Variants in DPP6 observed in about 807,000 individuals in gnomAD.
DPP6 encodes A-type potassium channel modulatory protein DPP6.
DPP6 carries 69 observed loss-of-function variants against 122.6 expected under a neutral mutation model. That is an observed-to-expected ratio of 0.56 (90% CI 0.46 to 0.69). The LOEUF is 0.69. Ranked by LOEUF, DPP6 falls within the 30% of genes least tolerant of loss-of-function variation. DPP6 has a pLI of 0.00. For synonymous variants in DPP6, 418 were observed against 433.1 expected (o/e 0.97, Z 0.43); for missense variants, 928 against 1,116.9 (o/e 0.83, Z 2.41).
chr7:154,765,861 T>C (rs1346373455), intron 8 of DPP6, among the ~76,000 whole-genome samples: 7 of 152,364 alleles, frequency 4.6e-5, no homozygotes, highest in African/African-American at 1.7e-4. Flanking sequence ...ATGCAATTAA[T>C]TTCGTTGATG....
At chr7:154,834,684 C>T (rs1325410047) in intron 16 of DPP6, among the ~76,000 whole-genome samples, 1 of 152,218 alleles carries the variant, frequency 6.6e-6, no homozygotes, top group Non-Finnish European at 1.5e-5. Flanking sequence ...AAGTGCAAGA[C>T]CTTCACTAGA....
intron 1 of DPP6, among the ~76,000 whole-genome samples, chr7:154,035,945 C>A (rs1265200226): frequency 1.3e-5 from 2 of 151,944 alleles, no homozygotes; most frequent in Admixed American, 6.5e-5. Flanking sequence ...TGTGAACTCA[C>A]TGACTAAGCC....
intron 1 of DPP6, among the ~76,000 whole-genome samples, chr7:154,247,768 A>C (rs1241662610): frequency 6.6e-6 from 1 of 152,192 alleles, no homozygotes; most frequent in African/African-American, 2.4e-5. Flanking sequence ...ACCCAACAGC[A>C]ATGAAAACAT....
At chr7:153,984,657 A>G (rs1327169112) in intron 1 of DPP6, among the ~76,000 whole-genome samples, 1 of 152,164 alleles carries the variant, frequency 6.6e-6, no homozygotes, top group Non-Finnish European at 1.5e-5. Flanking sequence ...TCCAGACAGT[A>G]CAGTGTACTG....
intron 17 of DPP6, among the ~76,000 whole-genome samples, chr7:154,862,455 A>G (rs1803488361): frequency 6.6e-6 from 1 of 152,214 alleles, no homozygotes; most frequent in Non-Finnish European, 1.5e-5. Context: ...GGAACGTGTT[A>G]GACTTCAGTC....
At chr7:154,491,961 T>C (rs942544740) in intron 3 of DPP6, among the ~76,000 whole-genome samples, 3 of 152,154 alleles carry the variant, frequency 2.0e-5, no homozygotes, top group African/African-American at 7.2e-5. Context: ...GATCCCATAA[T>C]GTTACCAAAA....
intron 21 of DPP6, chr7:154,885,399 T>C (rs924516347): frequency 1.7e-5 from 9 of 532,618 alleles, no homozygotes; most frequent in Non-Finnish European, 3.0e-5. Context: ...TCACGTCCCT[T>C]GACACCAAGG....
chr7:153,902,529 C>G (rs1165361228), intron 1 of DPP6, among the ~76,000 whole-genome samples: 2 of 152,072 alleles, frequency 1.3e-5, no homozygotes, highest in Non-Finnish European at 2.9e-5. Flanking sequence ...GGATGCACTT[C>G]CAAGAGATGA....
In DPP6 at chr7:154,468,530, G is replaced by A. The variant is rs564934479; in HGVS notation, c.359-6409G>A. ...GGTAGGGAAACATATCAACCTATCCGCATATAATCATGTGAAGTCACAGGT... is the reference window on the plus strand; with the variant it reads ...GGTAGGGAAACATATCAACCTATCCACATATAATCATGTGAAGTCACAGGT... On this transcript the variant is annotated intron_variant, in intron 2 of 25. Coordinates refer to ENST00000377770, the MANE Select transcript of DPP6 (RefSeq NM_130797.4). Among the ~76,000 whole-genome samples, 14 of 152,262 alleles carry A rather than the reference G, an allele frequency of 9.2e-5. No homozygotes were observed. In the South Asian group the frequency reaches 1.5e-3, roughly 16 times the overall value.
At chr7:154,217,100 A>T (rs561229900) in intron 1 of DPP6, among the ~76,000 whole-genome samples, 1 of 151,492 alleles carries the variant, frequency 6.6e-6, no homozygotes, top group Non-Finnish European at 1.5e-5. Flanking sequence ...TTTTTTTTTT[A>T]AAGAACTCTC....
intron 1 of DPP6, among the ~76,000 whole-genome samples, chr7:154,005,258 C>A (rs1192308550): frequency 6.6e-6 from 1 of 152,188 alleles, no homozygotes; most frequent in Non-Finnish European, 1.5e-5. Flanking sequence ...TATGGAATAG[C>A]CTGGAATGGC....
chr7:154,237,998 C>T (rs1369222891), intron 1 of DPP6, among the ~76,000 whole-genome samples: 1 of 152,136 alleles, frequency 6.6e-6, no homozygotes, highest in African/African-American at 2.4e-5. Flanking sequence ...ATCCCAGGGA[C>T]GTGCTGGTAC....
intron 1 of DPP6, among the ~76,000 whole-genome samples, chr7:154,437,954 A>T (rs1819007868): frequency 6.7e-6 from 1 of 150,144 alleles, no homozygotes; most frequent in Non-Finnish European, 1.5e-5. Flanking sequence ...CATAAAAATA[A>T]AATAAAACTA....
At chr7:154,626,435 G>T (rs1835071016) in intron 5 of DPP6, among the ~76,000 whole-genome samples, 1 of 152,112 alleles carries the variant, frequency 6.6e-6, no homozygotes, top group African/African-American at 2.4e-5. Context: ...GTTATACTTA[G>T]ATGTTCTCCT....
chr7:154,286,676 G>A (rs181442057), intron 1 of DPP6, among the ~76,000 whole-genome samples: 1 of 152,176 alleles, frequency 6.6e-6, no homozygotes, highest in Admixed American at 6.6e-5. Context: ...TGACCTTGGG[G>A]GACTGTCCAG....
At chr7:153,813,735 G>A in the DPP6 span, among the ~76,000 whole-genome samples, 2 of 151,624 alleles carry the variant, frequency 1.3e-5, no homozygotes, top group African/African-American at 4.8e-5. Context: ...GTGTGAGATG[G>A]TATCTCATTG....
At chr7:154,612,118 C>T (rs1222873807) in intron 5 of DPP6, among the ~76,000 whole-genome samples, 1 of 152,178 alleles carries the variant, frequency 6.6e-6, no homozygotes, top group Non-Finnish European at 1.5e-5. Context: ...CTCCAGAGAC[C>T]CTTGACAGAT....
chr7:154,428,833 T>G (rs1434546574), intron 1 of DPP6, among the ~76,000 whole-genome samples: 8 of 152,090 alleles, frequency 5.3e-5, no homozygotes, highest in African/African-American at 1.9e-4. Flanking sequence ...TATAATAGAT[T>G]TGGAGACTCG....
In DPP6 at chr7:154,058,437, A is replaced by G. The variant is rs568306192; in HGVS notation, c.243+5374A>G. 1.2e-4 allele frequency: 16 copies of G among 133,874 alleles called. 1 individual carries two copies. Among genetic ancestry groups the G allele is most frequent in the African/African-American group, 3.5e-4 (12 of 34,380 alleles). 8.3% of individuals were successfully genotyped at this position (133,874 alleles called of 1,614,324 possible). A position where few individuals can be genotyped will look rare whatever the true frequency, so the allele number is the denominator to read the frequency against. On this transcript the variant is annotated intron_variant, in intron 1 of 25. Transcript: ENST00000377770. ...CCCGCGAGGGTGGGGACTGAGAGCT[A>G]TCCTCTCTTCCGCACCTGGCTGTTG...
Sources: allele counts gnomAD v4.1 joint callset (sites outside exome capture counted in the v4.1 genomes callset), GRCh38; gene constraint gnomAD v4.1.1; transcripts MANE v1.5; gene names NCBI Gene and HGNC (gene_info 2026-07-23, HGNC 2026-07-21).